Variants in RNF111 observed in about 807,000 individuals in gnomAD.
RNF111 encodes the protein E3 ubiquitin-protein ligase Arkadia.
In RNF111, 17 loss-of-function variants were observed where a neutral mutation model predicts 95.1. The ratio of observed to expected loss-of-function variants is 0.18; its 90% CI spans 0.12 to 0.27. The LOEUF (loss-of-function observed/expected upper bound fraction) is 0.27. RNF111 is among the 10% of genes least tolerant of loss of function. RNF111 has a pLI of 1.00. For missense variants in RNF111, 1,189 were observed against 1,210.4 expected (o/e 0.98, Z 0.26); for synonymous variants, 440 against 414.8 (o/e 1.06, Z -0.74).
rs537646935 is a variant in RNF111 at position 59,095,393 on chromosome 15, C to CA, written c.*497dup. Reference sequence around the variant, plus strand: ...GTATTAAGACATTCCTTAATTAGGACAAAATGGCTGCTGTATATTTACTAT... The same window carrying CA: ...GTATTAAGACATTCCTTAATTAGGACAAAAATGGCTGCTGTATATTTACTAT... On this transcript the variant is annotated 3_prime_UTR_variant, in exon 14 of 14. Transcript: ENST00000348370. The CA allele has an allele frequency of 1.9e-5, 3 of 158,794 alleles. No homozygotes were observed. The highest frequency in any genetic ancestry group is 7.2e-5 in the African/African-American group (3 of 41,576). 9.8% of individuals were successfully genotyped at this position (158,794 alleles called of 1,614,324 possible). A position where few individuals can be genotyped will look rare whatever the true frequency, so the allele number is the denominator to read the frequency against.
Position 59,067,064 on chromosome 15 carries a change from G to T in RNF111, c.1667G>T (p.Gly556Val), listed in dbSNP as rs758130009. The T allele has an allele frequency of 4.1e-5, 66 of 1,613,740 alleles. No individual in the cohort carries two copies. The Middle Eastern group carries it at 1.5e-3, about 36-fold the overall frequency. Residue 556 changes from glycine to valine, a missense_variant, in exon 6 of 14, where the codon GGT becomes GTT. This residue lies in a region of RNF111 where 1,024 missense variants were observed against 925.9 expected (regional missense o/e 1.11). Transcript: ENST00000348370. ...CCTTGTGGAGCAAATAGTAGTTCTGGTACCAGCTATCATGAACAGGTATGT... is the reference window on the plus strand; with the variant it reads ...CCTTGTGGAGCAAATAGTAGTTCTGTTACCAGCTATCATGAACAGGTATGT... ...QAPCGANSSS[G>V]TSYHEQQALP...
intron 5 of RNF111, 184 bp downstream of exon 5, chr15:59,058,734 T>C (rs2042306061): frequency 1.7e-6 from 1 of 596,600 alleles, no homozygotes; most frequent in Admixed American, 3.0e-5. Flanking sequence ...TGAGTTTGTG[T>C]GCTATATGTA....
intron 4 of RNF111, among the ~76,000 whole-genome samples, chr15:59,056,151 A>G (rs1024303904): frequency 6.6e-5 from 10 of 152,218 alleles, no homozygotes; most frequent in Non-Finnish European, 1.5e-4. Context: ...TTAACTTGCC[A>G]TGAAAAAGTA....
intron 1 of RNF111, among the ~76,000 whole-genome samples, chr15:59,011,258 A>C (rs1338069519): frequency 2.6e-5 from 4 of 152,188 alleles, no homozygotes; most frequent in Admixed American, 6.5e-5. Flanking sequence ...ATTAGATTCT[A>C]CTTCTATTAA....
chr15:59,080,467 G>T (rs62002554), intron 7 of RNF111, among the ~76,000 whole-genome samples: 1 of 151,956 alleles, frequency 6.6e-6, no homozygotes. Context: ...GCAACCTTTT[G>T]GAAAGGGTAT....
In RNF111 at chr15:59,052,437, AT is replaced by A. The variant is rs771902389; in HGVS notation, c.1007+10del. On this transcript the variant is annotated splice_region_variant and intron_variant, in intron 3 of 13. Coordinates refer to ENST00000348370, the MANE Select transcript of RNF111 (RefSeq NM_017610.8). Reference sequence around the variant, plus strand: ...ACAGTTGGAGAAAGCTATCGGTGAGATTTTAATTCTTAGTTAAATGTTTGAA... The same window carrying A: ...ACAGTTGGAGAAAGCTATCGGTGAGATTTAATTCTTAGTTAAATGTTTGAA... The A allele has an allele frequency of 4.5e-6, 7 of 1,551,802 alleles. No homozygotes were observed. The highest frequency in any genetic ancestry group is 8.7e-7 in the Non-Finnish European group (1 of 1,155,246).
intron 1 of RNF111, among the ~76,000 whole-genome samples, chr15:58,996,649 C>CTTTTTTTTTTTTTTTTTTTTTTT (rs60350601): frequency 2.0e-5 from 2 of 100,810 alleles, no homozygotes; most frequent in African/African-American, 3.9e-5. Context: ...TCAGTACTTT[C>CTTTTTTTTTTTTTTTTTTTTTTT]TTTTTTTTTT....
At chr15:58,996,649 CTTTTTTTT>C (rs60350601) in intron 1 of RNF111, among the ~76,000 whole-genome samples, 53,024 of 100,350 alleles carry the variant, frequency 0.53, 12,503 homozygotes, top group South Asian at 0.65. Flanking sequence ...TCAGTACTTT[CTTTTTTTT>C]TTTTTTTTTT....
chr15:59,067,029 A>C lies in RNF111; in HGVS notation c.1632A>C (p.Gln544His). Residue 544 changes from glutamine to histidine, a missense_variant, in exon 6 of 14, where the codon CAA becomes CAC. This residue lies in a region of RNF111 where 1,024 missense variants were observed against 925.9 expected (regional missense o/e 1.11). Coordinates refer to ENST00000348370, the MANE Select transcript of RNF111 (RefSeq NM_017610.8). ...DPACPVERPP[Q>H]VQAPCGANSS... ...CTTGCCCTGTGGAAAGACCTCCACA[A>C]GTACAAGCACCTTGTGGAGCAAATA... 6.2e-7 allele frequency: 1 copy of C among 1,614,152 alleles called. No individual in the cohort carries two copies. The highest frequency in any genetic ancestry group is 8.5e-7 in the Non-Finnish European group (1 of 1,180,018).
intron 1 of RNF111, among the ~76,000 whole-genome samples, chr15:59,002,279 G>T (rs1228373440): frequency 6.6e-6 from 1 of 152,086 alleles, no homozygotes; most frequent in African/African-American, 2.4e-5. Context: ...TTCTCCACTT[G>T]AAATTTTACT....
intron 11 of RNF111, 55 bp downstream of exon 11, chr15:59,089,814 G>GTA (rs1402054219): frequency 4.2e-6 from 5 of 1,202,236 alleles, no homozygotes; most frequent in East Asian, 2.3e-5. Context: ...TGCAGATTGA[G>GTA]TATATATATA....
At chr15:58,999,735 CTG>C (rs1191194781) in intron 1 of RNF111, among the ~76,000 whole-genome samples, 1 of 152,112 alleles carries the variant, frequency 6.6e-6, no homozygotes, top group Admixed American at 6.6e-5. Flanking sequence ...CTATAAATAA[CTG>C]AGACTGGGTA....
At chr15:59,067,186 C>T (rs1467264032) in intron 6 of RNF111, 103 bp downstream of exon 6, 3 of 985,636 alleles carry the variant, frequency 3.0e-6, no homozygotes, top group East Asian at 5.0e-5. Context: ...TCCTGTCTCT[C>T]TCCCTCCCTC....
intron 6 of RNF111, among the ~76,000 whole-genome samples, chr15:59,067,766 C>G (rs1393884393): frequency 1.3e-5 from 2 of 152,118 alleles, no homozygotes; most frequent in Admixed American, 1.3e-4. Context: ...CCAGCTAATT[C>G]ATGAAAAATT....
intron 2 of RNF111, among the ~76,000 whole-genome samples, chr15:59,034,620 T>G (rs1658229962): frequency 6.6e-6 from 1 of 152,206 alleles, no homozygotes; most frequent in South Asian, 2.1e-4. Flanking sequence ...TTAATGAGAC[T>G]TAGCTCTATT....
At position 59,031,674 on chromosome 15, in the gene RNF111, C is replaced by A; in HGVS notation, c.852C>A (p.Asn284Lys). ...ATTTGTTTGTTTCTGCCAGTGAAAA[C>A]CACCAAAACAATCCAGCTGTTCCCT... ...EEDLFVSASENHQNNPAVPSG... is the reference protein window; with the variant it reads ...EEDLFVSASEKHQNNPAVPSG... The change falls in exon 2 of 14, where the codon AAC becomes AAA. Residue 284 changes from asparagine (N) to lysine (K), a missense_variant. Physicochemically the swap from Asn to Lys is moderately conservative, Grantham distance 94 (BLOSUM62 0). Transcript: ENST00000348370. The A allele has an allele frequency of 1.2e-6, 2 of 1,614,050 alleles. No homozygotes were observed. Among genetic ancestry groups the A allele is most frequent in the South Asian group, 2.2e-5 (2 of 91,062 alleles).
At chr15:59,015,516 C>G (rs1472897629) in intron 1 of RNF111, among the ~76,000 whole-genome samples, 1 of 152,128 alleles carries the variant, frequency 6.6e-6, no homozygotes, top group African/African-American at 2.4e-5. Flanking sequence ...GACTTTCCCT[C>G]TAGCCTGTTC....
chr15:59,006,289 AGTTAGCAC>A (rs1451367807), intron 1 of RNF111, among the ~76,000 whole-genome samples: 2 of 152,222 alleles, frequency 1.3e-5, no homozygotes, highest in Admixed American at 6.5e-5. Context: ...CTGTCCATGC[AGTTAGCAC>A]CCCAATCAGG....
intron 3 of RNF111, among the ~76,000 whole-genome samples, chr15:59,054,236 C>G (rs1031850792): frequency 1.3e-5 from 2 of 152,196 alleles, no homozygotes; most frequent in African/African-American, 4.8e-5. Flanking sequence ...CACGCCTGGC[C>G]TGGCCCTTTC....
Sources: allele counts gnomAD v4.1 joint callset (sites outside exome capture counted in the v4.1 genomes callset), GRCh38; gene constraint gnomAD v4.1.1; regional missense constraint gnomAD v4.1.1; transcripts MANE v1.5; gene names NCBI Gene and HGNC (gene_info 2026-07-23, HGNC 2026-07-21).